GRM8: variants seen among roughly 807,000 people sequenced by gnomAD.
GRM8 encodes the protein metabotropic glutamate receptor 8.
In GRM8, 47 loss-of-function variants were observed where a neutral mutation model predicts 87.2. The ratio of observed to expected loss-of-function variants is 0.54; its 90% CI spans 0.43 to 0.69. The LOEUF is 0.69. GRM8 is among the 30% of genes least tolerant of loss of function. GRM8 has a pLI of 0.00. For synonymous variants in GRM8, 396 were observed against 404.5 expected, an observed-to-expected ratio of 0.98 and a Z score of 0.25; for missense variants, 1,019 against 1,139.2, an observed-to-expected ratio of 0.89 and a Z score of 1.52.
chr7:126,625,639 C>T (rs180831208), intron 7 of GRM8, among the ~76,000 whole-genome samples: 78 of 152,166 alleles, frequency 5.1e-4, no homozygotes, highest in Admixed American at 1.2e-3. Flanking sequence ...GAAATAGACC[C>T]TATAATTGCA....
intron 10 of GRM8, among the ~76,000 whole-genome samples, chr7:126,442,816 C>T (rs1563010417): frequency 2.0e-5 from 3 of 151,864 alleles, no homozygotes; most frequent in East Asian, 2.0e-4. Flanking sequence ...AAACAATTCA[C>T]AAAAGGACAG....
intron 6 of GRM8, among the ~76,000 whole-genome samples, chr7:126,775,494 T>TTTTTTTTTTTTG: frequency 6.7e-6 from 1 of 149,832 alleles, no homozygotes; most frequent in African/African-American, 2.5e-5. Context: ...TTTTTTTTTT[T>TTTTTTTTTTTTG]TTTTTTTTTT....
intron 3 of GRM8, among the ~76,000 whole-genome samples, chr7:127,027,361 A>G (rs545873055): frequency 5.9e-5 from 9 of 152,252 alleles, no homozygotes; most frequent in African/African-American, 2.2e-4. Context: ...GTTTTTTCCA[A>G]TTCTTTGAAG....
At chr7:126,573,132 T>A (rs577547898) in intron 8 of GRM8, among the ~76,000 whole-genome samples, 1 of 152,320 alleles carries the variant, frequency 6.6e-6, no homozygotes, top group Admixed American at 6.5e-5. Flanking sequence ...TCAGATATTT[T>A]GAAGTGGGAA....
intron 2 of GRM8, among the ~76,000 whole-genome samples, chr7:127,122,963 G>A (rs1373431234): frequency 4.6e-5 from 7 of 152,068 alleles, no homozygotes; most frequent in South Asian, 2.1e-4. Flanking sequence ...TTGAGTCAAC[G>A]TTGAACTTCA....
chr7:126,475,062 A>T (rs776053316), intron 9 of GRM8, among the ~76,000 whole-genome samples: 13 of 152,166 alleles, frequency 8.5e-5, no homozygotes, highest in Admixed American at 4.6e-4. Flanking sequence ...TTCCTCTAAG[A>T]TGAGGAACAA....
chr7:127,214,130 TA>T (rs1463477490), intron 2 of GRM8, among the ~76,000 whole-genome samples: 1 of 152,196 alleles, frequency 6.6e-6, no homozygotes, highest in Non-Finnish European at 1.5e-5. Context: ...ATCTTTTTAA[TA>T]GGCAAAATTA....
chr7:127,079,021 T>C (rs1291300215), intron 3 of GRM8, among the ~76,000 whole-genome samples: 1 of 152,222 alleles, frequency 6.6e-6, no homozygotes, highest in East Asian at 1.9e-4. Context: ...ATCTTCCAGA[T>C]ACTGTTACAT....
intron 3 of GRM8, among the ~76,000 whole-genome samples, chr7:126,968,398 A>G (rs184010110): frequency 1.3e-5 from 2 of 152,286 alleles, no homozygotes; most frequent in East Asian, 1.9e-4. Context: ...AATTGCTTAG[A>G]TTAGTTGACT....
At chr7:127,223,447 A>ACG (rs1341335989) in intron 2 of GRM8, among the ~76,000 whole-genome samples, 1 of 32,764 alleles carries the variant, frequency 3.1e-5, no homozygotes, top group Admixed American at 2.2e-4. Flanking sequence ...ACACACGCAC[A>ACG]CACACACACA....
Position 126,599,548 on chromosome 7 carries a change from A to G in GRM8, c.1494+9814T>C, listed in dbSNP as rs1179808974. ...TAGAACAGGTTCCTTGCCTCCAATT[A>G]TCTTGCTTCTCTGAGAACGGAAGGT... On this transcript the variant is annotated intron_variant, in intron 8 of 10. Transcript: ENST00000339582. 2.0e-5 allele frequency among the ~76,000 whole-genome samples: 3 copies of G among 152,136 alleles called. No homozygotes were observed. The East Asian group carries it at 5.8e-4, about 29-fold the overall frequency.
chr7:127,137,371 ACAT>A (rs1563536446), intron 2 of GRM8, among the ~76,000 whole-genome samples: 3 of 152,122 alleles, frequency 2.0e-5, no homozygotes, highest in Non-Finnish European at 4.4e-5. Flanking sequence ...CCACCTCACT[ACAT>A]TATGGGCCAT....
chr7:127,247,273 C>T (rs1048808394), intron 1 of GRM8, among the ~76,000 whole-genome samples: 5 of 152,288 alleles, frequency 3.3e-5, no homozygotes, highest in East Asian at 3.9e-4. Context: ...CACCCACCAA[C>T]GCATGCAGGG....
chr7:126,806,548 G>T (rs1390753772), intron 6 of GRM8, among the ~76,000 whole-genome samples: 1 of 152,222 alleles, frequency 6.6e-6, no homozygotes. Context: ...TGATTGGTCC[G>T]TTTTGACAGA....
chr7:126,446,220 T>G lies in GRM8; in HGVS notation c.2583A>C (p.Thr861=). 1.2e-6 allele frequency: 2 copies of G among 1,613,164 alleles called. No individual in the cohort carries two copies. The highest frequency in any genetic ancestry group is 1.7e-6 in the Non-Finnish European group (2 of 1,179,446). ...TCAGTTTGCTTTGCATGGTGGCAGC[T>G]GTCACCACAGCCTTGAAGCTCCTCT... ...KRKRSFKAVV[T]AATMQSKLIQ... is the part of the protein sequence containing the mutation. The change falls in exon 10 of 11, where the codon ACA becomes ACC. Residue 861 remains threonine (T), a synonymous_variant. Coordinates refer to ENST00000339582, the MANE Select transcript of GRM8 (RefSeq NM_000845.3).
chr7:126,892,162 C>CT (rs1241638545), intron 6 of GRM8, among the ~76,000 whole-genome samples: 2 of 149,984 alleles, frequency 1.3e-5, no homozygotes, highest in Non-Finnish European at 3.0e-5. Flanking sequence ...TATTATTATA[C>CT]TTTAAGTTTC....
At chr7:126,864,725 AT>A (rs573171121) in intron 6 of GRM8, among the ~76,000 whole-genome samples, 1 of 151,816 alleles carries the variant, frequency 6.6e-6, no homozygotes, top group South Asian at 2.1e-4. Context: ...AGACTGATTC[AT>A]TTTCTGATAT....
At chr7:127,227,942 G>C (rs1049169736) in intron 2 of GRM8, among the ~76,000 whole-genome samples, 4 of 152,204 alleles carry the variant, frequency 2.6e-5, no homozygotes, top group Non-Finnish European at 4.4e-5. Flanking sequence ...GATATACGGA[G>C]AGTATGAGGC....
chr7:127,198,966 T>C (rs1563573545), intron 2 of GRM8, among the ~76,000 whole-genome samples: 2 of 151,706 alleles, frequency 1.3e-5, no homozygotes, highest in Non-Finnish European at 2.9e-5. Flanking sequence ...TCAGCCTTCC[T>C]GAGTAGCTGG....
Sources: gnomAD v4.1 joint callset for allele counts (sites outside exome capture counted in the v4.1 genomes callset) on GRCh38, gnomAD v4.1.1 for gene constraint, MANE v1.5 for transcripts, NCBI Gene and HGNC (gene_info 2026-07-23, HGNC 2026-07-21) for gene names.